The following WDR43 variants were observed in gnomAD, a reference collection of about 807,000 sequenced individuals.
The protein encoded by WDR43 is WD repeat-containing protein 43.
WDR43 carries 13 observed loss-of-function variants against 91.4 expected under a neutral mutation model. The ratio of observed to expected loss-of-function variants is 0.14; its 90% CI spans 0.09 to 0.23. WDR43 has a LOEUF of 0.23. WDR43 is among the 10% of genes least tolerant of loss of function. The probability of loss-of-function intolerance (pLI) is 1.00; values close to 1 mark genes in which losing one functional copy is unlikely to be tolerated. For missense variants in WDR43, 780 were observed against 809.4 expected (o/e 0.96, Z 0.44); for synonymous variants, 331 against 287.9 (o/e 1.15, Z -1.51).
In WDR43 at chr2:28,902,434, A is replaced by G. The variant is rs116003217; in HGVS notation, c.363+310A>G. On this transcript the variant is annotated intron_variant, in intron 2 of 17. Coordinates refer to ENST00000407426, the MANE Select transcript of WDR43 (RefSeq NM_015131.3). ...GCTCCCCACCTCTTGACCTAGGGGAATAAAGGAGGCAGTTGAAATTACTGC... is the reference window on the plus strand; with the variant it reads ...GCTCCCCACCTCTTGACCTAGGGGAGTAAAGGAGGCAGTTGAAATTACTGC... Among the ~76,000 whole-genome samples the G allele has an allele frequency of 6.7e-3, 1,017 of 152,336 alleles. 11 individuals are homozygous for G. The highest frequency in any genetic ancestry group is 0.023 in the African/African-American group (963 of 41,576).
At chr2:28,911,908 G>A (rs970977092) in intron 3 of WDR43, among the ~76,000 whole-genome samples, 1 of 152,172 alleles carries the variant, frequency 6.6e-6, no homozygotes, top group South Asian at 2.1e-4. Flanking sequence ...AGAGGCATGA[G>A]CCACCATGCC....
At chr2:28,904,114 T>C (rs1440119805) in intron 2 of WDR43, among the ~76,000 whole-genome samples, 2 of 152,106 alleles carry the variant, frequency 1.3e-5, no homozygotes, top group Non-Finnish European at 2.9e-5. Flanking sequence ...TAGAACTCCT[T>C]TTTATATCAT....
intron 8 of WDR43, 91 bp downstream of exon 8, chr2:28,925,244 G>A: frequency 8.3e-7 from 1 of 1,206,514 alleles, no homozygotes; most frequent in South Asian, 2.1e-5. Flanking sequence ...TGGTCTTTAA[G>A]ATAAATAATA....
At chr2:28,897,796 C>T (rs1310405004) in intron 1 of WDR43, among the ~76,000 whole-genome samples, 1 of 152,126 alleles carries the variant, frequency 6.6e-6, no homozygotes, top group Non-Finnish European at 1.5e-5. Context: ...TAGATTGTCA[C>T]CTCTTGTTGG....
chr2:28,906,431 TA>T (rs1249393363), intron 2 of WDR43, 28 bp from the exon 3 acceptor site: 7 of 1,505,468 alleles, frequency 4.6e-6, no homozygotes, highest in South Asian at 1.3e-5. Flanking sequence ...AGACCAGCCT[TA>T]AATTTTTTTT....
At chr2:28,895,088 G>T (rs1670451085) in intron 1 of WDR43, 165 bp downstream of exon 1, 3 of 634,154 alleles carry the variant, frequency 4.7e-6, no homozygotes, top group African/African-American at 1.9e-5. Flanking sequence ...CCAGCCCCGC[G>T]TGCGGCCTGC....
chr2:28,920,685 G>A (rs1432450841), intron 6 of WDR43, among the ~76,000 whole-genome samples: 2 of 151,098 alleles, frequency 1.3e-5, no homozygotes, highest in Non-Finnish European at 3.0e-5. Flanking sequence ...TTTTTTGTTT[G>A]TTTTTGTTTT....
At chr2:28,946,069 C>T (rs1353177500) in intron 16 of WDR43, among the ~76,000 whole-genome samples, 1 of 152,056 alleles carries the variant, frequency 6.6e-6, no homozygotes, top group South Asian at 2.1e-4. Context: ...GGTGTGGTGG[C>T]TCATGCCTAT....
chr2:28,927,832 T>C (rs1401890539), intron 10 of WDR43, 132 bp downstream of exon 10: 1 of 1,190,348 alleles, frequency 8.4e-7, no homozygotes, highest in African/African-American at 1.5e-5. Flanking sequence ...TATGCTCTCT[T>C]TTATCTTCAC....
chr2:28,931,465 T>A (rs1328894164), intron 11 of WDR43, among the ~76,000 whole-genome samples: 2 of 152,200 alleles, frequency 1.3e-5, no homozygotes, highest in African/African-American at 4.8e-5. Flanking sequence ...CAATTTAGTT[T>A]TTTGGAAAAG....
At chr2:28,943,007 C>G (rs1419493731) in intron 16 of WDR43, among the ~76,000 whole-genome samples, 3 of 151,824 alleles carry the variant, frequency 2.0e-5, no homozygotes. Context: ...CATTAATGAC[C>G]AAAATTGACT....
chr2:28,919,875 C>CT (rs1455324536), intron 6 of WDR43, among the ~76,000 whole-genome samples: 1 of 151,998 alleles, frequency 6.6e-6, no homozygotes, highest in Non-Finnish European at 1.5e-5. Flanking sequence ...GACAGAGTCT[C>CT]TGTCGCCCAG....
Position 28,894,928 on chromosome 2 carries a change from A to C in WDR43, c.225+5A>C. 6.4e-7 allele frequency: 1 copy of C among 1,571,462 alleles called. No individual in the cohort carries two copies. Among genetic ancestry groups the C allele is most frequent in the East Asian group, 2.4e-5 (1 of 42,262 alleles). The stretch of plus-strand genomic sequence containing the variant: ...CCAGCGCGGCTGCAGGCCAAGGTAA[A>C]GCGAGCGGGACTGCGCGGGGCGGGC... On this transcript the variant is annotated splice_donor_5th_base_variant and intron_variant, in intron 1 of 17. Coordinates refer to ENST00000407426, the MANE Select transcript of WDR43 (RefSeq NM_015131.3).
chr2:28,946,804 C>A lies in WDR43; in HGVS notation c.*25C>A. On this transcript the variant is annotated 3_prime_UTR_variant, in exon 18 of 18. Transcript: ENST00000407426. ...AAGACAGCAAAGCAAGCCGGTCAAACTATATAAACTCTGGCTCACCTTGCC... is the reference window on the plus strand; with the variant it reads ...AAGACAGCAAAGCAAGCCGGTCAAAATATATAAACTCTGGCTCACCTTGCC... 1 of 1,550,170 alleles carries A rather than the reference C, an allele frequency of 6.5e-7. No individual in the cohort carries two copies. Among genetic ancestry groups the A allele is most frequent in the South Asian group, 1.2e-5 (1 of 82,316 alleles).
rs1194880027 is a variant in WDR43, at chr2:28,947,510, A to C, written c.*731A>C. The C allele has an allele frequency of 6.6e-6, 1 of 152,190 alleles. No individual in the cohort carries two copies. Among genetic ancestry groups the C allele is most frequent in the Non-Finnish European group, 1.5e-5 (1 of 68,028 alleles). 9.4% of individuals were successfully genotyped at this position (152,190 alleles called of 1,614,324 possible). On this transcript the variant is annotated 3_prime_UTR_variant, in exon 18 of 18. Coordinates refer to ENST00000407426, the MANE Select transcript of WDR43 (RefSeq NM_015131.3). ...CTTGACTGCAAATTACTTCTAAAGA[A>C]TCATCAGTGTATAGATTAGAAGTGC...
chr2:28,895,001 C>T (rs1208817729), intron 1 of WDR43, 78 bp downstream of exon 1: 1 of 1,361,476 alleles, frequency 7.3e-7, no homozygotes, highest in Non-Finnish European at 9.6e-7. Context: ...GGCGCGTGGT[C>T]CGGCATCGCG....
At chr2:28,905,679 T>G (rs898000213) in intron 2 of WDR43, among the ~76,000 whole-genome samples, 2 of 151,406 alleles carry the variant, frequency 1.3e-5, no homozygotes, top group Non-Finnish European at 3.0e-5. Context: ...TTTTTTTTTT[T>G]TTTGATATGG....
At chr2:28,944,101 G>C (rs1266861574) in intron 16 of WDR43, among the ~76,000 whole-genome samples, 1 of 152,096 alleles carries the variant, frequency 6.6e-6, no homozygotes, top group Non-Finnish European at 1.5e-5. Context: ...GTCATCTGTG[G>C]GAGGCTAGAT....
chr2:28,938,455 T>C (rs1224611431), intron 14 of WDR43, among the ~76,000 whole-genome samples: 3 of 106,258 alleles, frequency 2.8e-5, no homozygotes, highest in East Asian at 2.2e-4. Flanking sequence ...TGATTACCTA[T>C]GGAAATAGAA....
Sources: allele counts gnomAD v4.1 joint callset (sites outside exome capture counted in the v4.1 genomes callset), GRCh38; gene constraint gnomAD v4.1.1; transcripts MANE v1.5; gene names NCBI Gene and HGNC (gene_info 2026-07-23, HGNC 2026-07-21).